Variants in SMYD3 observed in about 807,000 individuals in gnomAD.
The protein encoded by SMYD3 is histone-lysine N-methyltransferase SMYD3.
Under a neutral mutation model 57.7 loss-of-function variants are expected in SMYD3, and 36 were observed. The observed-to-expected ratio is 0.62, with a 90% confidence interval of 0.48 to 0.82. SMYD3 has a LOEUF of 0.82. Ranked by LOEUF, SMYD3 falls within the 40% of genes least tolerant of loss-of-function variation. The pLI, the probability that SMYD3 is intolerant of heterozygous loss-of-function variation, is 0.00. For missense variants in SMYD3, 515 were observed against 538.8 expected (o/e 0.96, Z 0.44); for synonymous variants, 211 against 195.0 (o/e 1.08, Z -0.68).
At chr1:246,298,209 G>A (rs1240277390) in intron 5 of SMYD3, among the ~76,000 whole-genome samples, 2 of 149,938 alleles carry the variant, frequency 1.3e-5, no homozygotes, top group African/African-American at 5.0e-5. Flanking sequence ...TTCATAAAGA[G>A]CAAGAGCACA....
intron 1 of SMYD3, among the ~76,000 whole-genome samples, chr1:246,375,919 G>A (rs1474043521): frequency 1.3e-5 from 2 of 151,724 alleles, no homozygotes; most frequent in Non-Finnish European, 2.9e-5. Context: ...TAGTAGAGAC[G>A]GGGTTTCACC....
intron 5 of SMYD3, among the ~76,000 whole-genome samples, chr1:246,322,911 A>G (rs112806420): frequency 0.056 from 8,485 of 152,302 alleles, 342 homozygotes; most frequent in African/African-American, 0.11. Flanking sequence ...TACTGTAATT[A>G]CTAAATATAA....
intron 5 of SMYD3, among the ~76,000 whole-genome samples, chr1:246,281,506 A>G (rs2064441952): frequency 6.6e-6 from 1 of 152,294 alleles, no homozygotes; most frequent in African/African-American, 2.4e-5. Flanking sequence ...TCATACCGCA[A>G]TGTTTTTCCT....
intron 1 of SMYD3, among the ~76,000 whole-genome samples, chr1:246,477,484 T>C (rs1323100055): frequency 6.6e-6 from 1 of 152,216 alleles, no homozygotes; most frequent in East Asian, 1.9e-4. Flanking sequence ...CACACCTACC[T>C]GAAAGTAGGT....
intron 5 of SMYD3, among the ~76,000 whole-genome samples, chr1:245,994,881 C>T (rs1296456105): frequency 6.6e-6 from 1 of 151,810 alleles, no homozygotes; most frequent in Non-Finnish European, 1.5e-5. Flanking sequence ...AATTCCAGCA[C>T]TTTGGGAGGC....
chr1:246,077,801 C>A (rs368091494), intron 5 of SMYD3, among the ~76,000 whole-genome samples: 1 of 151,956 alleles, frequency 6.6e-6, no homozygotes. Flanking sequence ...ATTCAAGTTG[C>A]CTGTTTATGT....
chr1:246,266,266 T>C (rs1297247570), intron 5 of SMYD3, among the ~76,000 whole-genome samples: 1 of 152,212 alleles, frequency 6.6e-6, no homozygotes, highest in Non-Finnish European at 1.5e-5. Context: ...GGGAATGTCA[T>C]GCCCTGTCCA....
chr1:246,153,797 C>A (rs1427410835), intron 5 of SMYD3, among the ~76,000 whole-genome samples: 1 of 152,122 alleles, frequency 6.6e-6, no homozygotes, highest in African/African-American at 2.4e-5. Context: ...AACAATCCCA[C>A]CTTTAACCTC....
intron 5 of SMYD3, among the ~76,000 whole-genome samples, chr1:246,154,165 T>C (rs894814837): frequency 2.6e-5 from 4 of 152,232 alleles, no homozygotes; most frequent in African/African-American, 9.6e-5. Context: ...CTACATTCAC[T>C]GAACGAATCA....
chr1:246,414,040 T>C (rs1423286563), intron 1 of SMYD3, among the ~76,000 whole-genome samples: 2 of 152,194 alleles, frequency 1.3e-5, no homozygotes, highest in African/African-American at 2.4e-5. Flanking sequence ...TTTCTGTCTG[T>C]GGGTGGAAAG....
chr1:246,225,108 T>A (rs1198020581), intron 5 of SMYD3, among the ~76,000 whole-genome samples: 1 of 151,428 alleles, frequency 6.6e-6, no homozygotes, highest in African/African-American at 2.4e-5. Flanking sequence ...TAAATTAGAA[T>A]CCTTTAAGGA....
intron 8 of SMYD3, among the ~76,000 whole-genome samples, chr1:245,875,619 G>C (rs1395402625): frequency 6.6e-6 from 1 of 152,168 alleles, no homozygotes; most frequent in African/African-American, 2.4e-5. Flanking sequence ...TATACAAGAT[G>C]ATATAATGCT....
chr1:246,231,062 C>T (rs1433698174), intron 5 of SMYD3, among the ~76,000 whole-genome samples: 1 of 152,096 alleles, frequency 6.6e-6, no homozygotes, highest in Non-Finnish European at 1.5e-5. Context: ...AGAATTTTTC[C>T]GATTACAGAC....
At chr1:246,101,123 T>C (rs1208897636) in intron 5 of SMYD3, among the ~76,000 whole-genome samples, 1 of 138,224 alleles carries the variant, frequency 7.2e-6, no homozygotes, top group East Asian at 2.0e-4. Context: ...GCTTATAATA[T>C]GTGAAGTTCT....
chr1:245,751,605 AGAAAGAGAGAGAG>A (rs2045377265), intron 11 of SMYD3, among the ~76,000 whole-genome samples: 1 of 145,094 alleles, frequency 6.9e-6, no homozygotes, highest in East Asian at 2.2e-4. Flanking sequence ...AGAGAGAGAG[AGAAAGAGAGAGAG>A]AAAAAGAGAG....
intron 5 of SMYD3, among the ~76,000 whole-genome samples, chr1:245,950,727 G>T (rs2057602576): frequency 6.6e-6 from 1 of 152,160 alleles, no homozygotes; most frequent in South Asian, 2.1e-4. Context: ...TGCCAAATGT[G>T]GCCATACTCT....
intron 1 of SMYD3, among the ~76,000 whole-genome samples, chr1:246,493,191 G>GT (rs1183951264): frequency 7.0e-6 from 1 of 143,252 alleles, no homozygotes; most frequent in East Asian, 2.3e-4. Context: ...AGGCACATTG[G>GT]TCTGTAGTCC....
At chr1:246,273,054 A>C (rs902670716) in intron 5 of SMYD3, among the ~76,000 whole-genome samples, 1 of 148,484 alleles carries the variant, frequency 6.7e-6, no homozygotes, top group African/African-American at 2.5e-5. Context: ...AGGGTATTCA[A>C]TTTGTTGTCA....
chr1:245,894,434 C>G (rs749708644), intron 8 of SMYD3, among the ~76,000 whole-genome samples: 3 of 152,008 alleles, frequency 2.0e-5, no homozygotes, highest in Admixed American at 2.0e-4. Flanking sequence ...CCTTCCACGC[C>G]GTGGAAGCTT....
Sources: gnomAD v4.1 joint callset for allele counts (sites outside exome capture counted in the v4.1 genomes callset) on GRCh38, gnomAD v4.1.1 for gene constraint, MANE v1.5 for transcripts, NCBI Gene and HGNC (gene_info 2026-07-23, HGNC 2026-07-21) for gene names.